The following PRPF18 variants were observed in gnomAD, a reference collection of about 807,000 sequenced individuals.
The protein encoded by PRPF18 is pre-mRNA processing factor 18, also known as pre-mRNA-splicing factor 18.
In PRPF18, 38 loss-of-function variants were observed where a neutral mutation model predicts 46.5. The ratio of observed to expected loss-of-function variants is 0.82; its 90% CI spans 0.63 to 1.07. The LOEUF is 1.07. Among genes scored for constraint, PRPF18 ranks in the 50% least tolerant of loss-of-function variants. The probability of loss-of-function intolerance (pLI) is 0.00; values close to 1 mark genes in which losing one functional copy is unlikely to be tolerated. For missense variants in PRPF18, 263 were observed against 410.0 expected (o/e 0.64, Z 3.10); for synonymous variants, 152 against 146.7 (o/e 1.04, Z -0.26).
chr10:13,622,667 A>G (rs11258480), intron 9 of PRPF18, among the ~76,000 whole-genome samples: 30,179 of 152,190 alleles, frequency 0.2, 3,760 homozygotes, highest in East Asian at 0.51. Context: ...TTCTTACCAT[A>G]AACTATGCAG....
intron 3 of PRPF18, among the ~76,000 whole-genome samples, chr10:13,601,884 T>C (rs114116038): frequency 5.2e-4 from 79 of 152,352 alleles, no homozygotes; most frequent in African/African-American, 1.9e-3. Flanking sequence ...TAAAATTAGC[T>C]CTTTACTGAT....
chr10:13,591,463 C>T, intron 1 of PRPF18: 1 of 608,002 alleles, frequency 1.6e-6, no homozygotes, highest in Non-Finnish European at 3.0e-6. Context: ...AAATGTAGAA[C>T]ACCAATTTGT....
the PRPF18 span, chr10:13,642,056 G>A: frequency 1.3e-5 from 2 of 152,142 alleles, no homozygotes; most frequent in Admixed American, 1.3e-4. Context: ...GCTGGAGTAC[G>A]TATCGACTTT....
chr10:13,627,124 G>T (rs11258483), intron 9 of PRPF18, among the ~76,000 whole-genome samples: 59,487 of 151,980 alleles, frequency 0.39, 12,217 homozygotes, highest in East Asian at 0.78. Flanking sequence ...TCAGAACCCT[G>T]CAGGGGCTTC....
chr10:13,652,215 C>T, the PRPF18 span: 5 of 564,368 alleles, frequency 8.9e-6, no homozygotes, highest in Admixed American at 3.1e-5. Context: ...TTTTGTATCA[C>T]ATCATAGCAA....
At chr10:13,615,009 C>T (rs947042701) in intron 8 of PRPF18, among the ~76,000 whole-genome samples, 8 of 152,188 alleles carry the variant, frequency 5.3e-5, no homozygotes, top group African/African-American at 1.4e-4. Flanking sequence ...GGATGATTTA[C>T]GTGATTAGAG....
the PRPF18 span, chr10:13,647,923 C>CTCCCCATG: frequency 6.6e-6 from 1 of 152,116 alleles, no homozygotes; most frequent in Non-Finnish European, 1.5e-5. Context: ...TGCAACTGAT[C>CTCCCCATG]TCCCCATGGG....
intron 4 of PRPF18, among the ~76,000 whole-genome samples, chr10:13,607,411 G>T (rs935597718): frequency 2.0e-5 from 3 of 151,938 alleles, no homozygotes; most frequent in African/African-American, 7.3e-5. Flanking sequence ...ACAGAAGTTT[G>T]TGTGTGTGTA....
the PRPF18 span, chr10:13,647,490 G>A: frequency 2.0e-5 from 3 of 151,850 alleles, no homozygotes; most frequent in African/African-American, 7.3e-5. Context: ...AGCTGCCCGG[G>A]TTGTCCTCCG....
intron 3 of PRPF18, among the ~76,000 whole-genome samples, chr10:13,602,609 T>G (rs868405899): frequency 1.3e-5 from 2 of 152,008 alleles, no homozygotes; most frequent in Non-Finnish European, 1.5e-5. Flanking sequence ...CTTTATGAAC[T>G]CATTCTTTAT....
chr10:13,592,835 G>A (rs575540448), intron 1 of PRPF18, among the ~76,000 whole-genome samples: 1 of 152,252 alleles, frequency 6.6e-6, no homozygotes, highest in Non-Finnish European at 1.5e-5. Flanking sequence ...AGTATTTACT[G>A]CATCTTTCCT....
At chr10:13,640,649 A>T in the PRPF18 span, 1 of 152,356 alleles carries the variant, frequency 6.6e-6, no homozygotes, top group South Asian at 2.1e-4. Context: ...CCTACTTAAT[A>T]GCACCTTCTC....
At chr10:13,590,841 G>C (rs1236029742) in intron 1 of PRPF18, among the ~76,000 whole-genome samples, 1 of 152,142 alleles carries the variant, frequency 6.6e-6, no homozygotes, top group Non-Finnish European at 1.5e-5. Context: ...TTCAGAGCCT[G>C]ATCTGTTAAC....
At chr10:13,654,743 C>A in the PRPF18 span, 1 of 555,270 alleles carries the variant, frequency 1.8e-6, no homozygotes. Flanking sequence ...ATTTTCTACC[C>A]ACTACCATGC....
At chr10:13,651,888 C>T in the PRPF18 span, 16 of 1,398,462 alleles carry the variant, frequency 1.1e-5, no homozygotes, top group Non-Finnish European at 1.4e-5. Context: ...AGGAACAAAA[C>T]TCCCCTTACG....
intron 1 of PRPF18, among the ~76,000 whole-genome samples, chr10:13,588,453 T>C (rs1353076990): frequency 1.3e-5 from 2 of 150,938 alleles, no homozygotes; most frequent in African/African-American, 4.9e-5. Flanking sequence ...GGTGCGCGCG[T>C]CTAGTCCCGG....
At chr10:13,609,947 A>G in intron 4 of PRPF18, 92 bp from the exon 5 acceptor site, 1 of 1,352,294 alleles carries the variant, frequency 7.4e-7, no homozygotes, top group Non-Finnish European at 1.0e-6. Flanking sequence ...TGGGGGAAAA[A>G]ATATTTGCAG....
intron 3 of PRPF18, among the ~76,000 whole-genome samples, chr10:13,601,385 G>T (rs777571914): frequency 8.5e-5 from 13 of 152,100 alleles, no homozygotes; most frequent in Non-Finnish European, 1.6e-4. Flanking sequence ...TTACTTAAAA[G>T]AAATCATAAA....
At chr10:13,627,793 A>G (rs961156867) in intron 9 of PRPF18, among the ~76,000 whole-genome samples, 4 of 152,338 alleles carry the variant, frequency 2.6e-5, no homozygotes, top group Admixed American at 2.6e-4. Context: ...TGTAAGGAGC[A>G]CACACCTAAG....
Sources: gnomAD v4.1 joint callset for allele counts (sites outside exome capture counted in the v4.1 genomes callset) on GRCh38, gnomAD v4.1.1 for gene constraint, MANE v1.5 for transcripts, NCBI Gene and HGNC (gene_info 2026-07-23, HGNC 2026-07-21) for gene names.